The following PTPRD variants were observed in gnomAD, a reference collection of about 807,000 sequenced individuals.
PTPRD encodes the protein receptor-type tyrosine-protein phosphatase delta.
A neutral mutation model predicts 214.5 loss-of-function variants in PTPRD; 34 were observed. That is an observed-to-expected ratio of 0.16 (90% CI 0.12 to 0.21). The LOEUF is 0.21. Ranked by LOEUF, PTPRD falls within the 10% of genes least tolerant of loss-of-function variation. The pLI is 1.00. For missense variants in PTPRD, 2,545 were observed against 2,398.7 expected (o/e 1.06, Z -1.27); for synonymous variants, 1,128 against 845.7 (o/e 1.33, Z -5.79).
intron 2 of PTPRD, among the ~76,000 whole-genome samples, chr9:10,484,394 C>A (rs374468878): frequency 6.6e-6 from 1 of 152,058 alleles, no homozygotes; most frequent in African/African-American, 2.4e-5. Flanking sequence ...TACCACTATA[C>A]AATTCATCTA....
intron 8 of PTPRD, among the ~76,000 whole-genome samples, chr9:9,426,040 G>T (rs539998280): frequency 6.6e-6 from 1 of 152,154 alleles, no homozygotes; most frequent in Admixed American, 6.5e-5. Context: ...CGTCTCAATG[G>T]GGCTTGTCCG....
intron 3 of PTPRD, among the ~76,000 whole-genome samples, chr9:10,152,922 A>T (rs932883522): frequency 6.6e-6 from 1 of 152,206 alleles, no homozygotes; most frequent in Non-Finnish European, 1.5e-5. Context: ...CAGTCAGAGA[A>T]AGACAAATAC....
At chr9:9,179,555 A>C (rs1359100757) in intron 10 of PTPRD, among the ~76,000 whole-genome samples, 1 of 152,090 alleles carries the variant, frequency 6.6e-6, no homozygotes, top group East Asian at 1.9e-4. Flanking sequence ...ATACCCTCTA[A>C]CATTCTCAAT....
intron 11 of PTPRD, among the ~76,000 whole-genome samples, chr9:8,988,681 T>A (rs1230377438): frequency 6.6e-6 from 1 of 152,076 alleles, no homozygotes; most frequent in African/African-American, 2.4e-5. Flanking sequence ...TTACGATTTT[T>A]TTAGGCTCTC....
At chr9:9,009,993 G>A (rs1255494831) in intron 11 of PTPRD, among the ~76,000 whole-genome samples, 1 of 152,008 alleles carries the variant, frequency 6.6e-6, no homozygotes, top group African/African-American at 2.4e-5. Context: ...AAAGGGACTT[G>A]GAGTTACAGA....
At chr9:10,487,841 T>G (rs576452462) in intron 2 of PTPRD, among the ~76,000 whole-genome samples, 1 of 152,094 alleles carries the variant, frequency 6.6e-6, no homozygotes, top group East Asian at 1.9e-4. Flanking sequence ...GAACTTTTTT[T>G]TTTTTTAAAA....
intron 5 of PTPRD, among the ~76,000 whole-genome samples, chr9:9,814,116 G>C (rs1768867): frequency 0.57 from 86,083 of 151,938 alleles, 27,556 homozygotes; most frequent in East Asian, 0.88. Flanking sequence ...ATAAAACTCT[G>C]AAGAATTTAG....
At chr9:10,014,218 G>T (rs536827995) in intron 4 of PTPRD, among the ~76,000 whole-genome samples, 1 of 152,018 alleles carries the variant, frequency 6.6e-6, no homozygotes, top group South Asian at 2.1e-4. Flanking sequence ...CCTTAAAGCA[G>T]GAAAATAAAT....
chr9:10,042,562 G>T (rs2097315600), intron 3 of PTPRD, among the ~76,000 whole-genome samples: 1 of 151,870 alleles, frequency 6.6e-6, no homozygotes, highest in Admixed American at 6.6e-5. Flanking sequence ...CTCAGGAAAG[G>T]TAACAAGCAG....
chr9:9,817,394 G>A (rs1255445783), intron 5 of PTPRD, among the ~76,000 whole-genome samples: 2 of 152,048 alleles, frequency 1.3e-5, no homozygotes, highest in Non-Finnish European at 2.9e-5. Context: ...CTTTCAACAC[G>A]AAAAGTGGAA....
intron 9 of PTPRD, among the ~76,000 whole-genome samples, chr9:9,310,186 G>T (rs1958493817): frequency 6.6e-6 from 1 of 152,186 alleles, no homozygotes; most frequent in African/African-American, 2.4e-5. Flanking sequence ...TGATGTTTGT[G>T]AAGTGTGGCT....
At chr9:10,394,123 C>T (rs1341769044) in intron 2 of PTPRD, among the ~76,000 whole-genome samples, 6 of 137,514 alleles carry the variant, frequency 4.4e-5, no homozygotes, top group Non-Finnish European at 7.6e-5. Flanking sequence ...GATATATATA[C>T]ATATATATCT....
At chr9:9,619,547 TC>T (rs1351262228) in intron 7 of PTPRD, among the ~76,000 whole-genome samples, 1 of 146,482 alleles carries the variant, frequency 6.8e-6, no homozygotes, top group African/African-American at 2.5e-5. Flanking sequence ...ATATAGAAAT[TC>T]CATATATTAT....
intron 9 of PTPRD, among the ~76,000 whole-genome samples, chr9:9,257,516 G>C (rs1037775234): frequency 6.6e-6 from 1 of 151,948 alleles, no homozygotes; most frequent in African/African-American, 2.4e-5. Flanking sequence ...AATTGGCCAA[G>C]GATGGGGGCT....
rs74945428 is a variant in PTPRD, at chr9:8,633,450, C to G, written c.219G>C (p.Glu73Asp). ...KVSNQRFEVI[E>D]FDDGSGSVLR... is the part of the protein sequence containing the mutation. ...GAACTGATCCAGACCCATCGTCAAA[C>G]TCTATTACCTATTAGAGGAAACAAT... Residue 73 changes from glutamate to aspartate, a missense_variant, in exon 14 of 46, where the codon GAG (glutamate) becomes GAC (aspartate). Transcript: ENST00000381196. 8.7e-6 allele frequency: 14 copies of G among 1,611,616 alleles called. No individual in the cohort carries two copies. In the South Asian group the frequency reaches 8.8e-5, roughly 10 times the overall value.
intron 14 of PTPRD, among the ~76,000 whole-genome samples, chr9:8,547,027 C>G (rs972823275): frequency 3.3e-5 from 5 of 152,200 alleles, no homozygotes; most frequent in Non-Finnish European, 7.3e-5. Context: ...GCTCCACTGT[C>G]ATACCATTTT....
At chr9:9,410,792 T>C (rs920311951) in intron 8 of PTPRD, among the ~76,000 whole-genome samples, 15 of 152,196 alleles carry the variant, frequency 9.9e-5, no homozygotes. Context: ...AAAACTATTA[T>C]TGCCACATGT....
intron 12 of PTPRD, among the ~76,000 whole-genome samples, chr9:8,639,474 G>A (rs953551044): frequency 6.6e-6 from 1 of 152,154 alleles, no homozygotes; most frequent in Non-Finnish European, 1.5e-5. Flanking sequence ...TAAGAGCCCA[G>A]CTTCCCATTT....
At chr9:9,107,800 CCT>C (rs1314441002) in intron 10 of PTPRD, among the ~76,000 whole-genome samples, 2 of 152,170 alleles carry the variant, frequency 1.3e-5, no homozygotes, top group Admixed American at 6.5e-5. Flanking sequence ...TGTTCATACC[CCT>C]GTCACCTTCA....
Sources: allele counts gnomAD v4.1 joint callset (sites outside exome capture counted in the v4.1 genomes callset), GRCh38; gene constraint gnomAD v4.1.1; transcripts MANE v1.5; gene names NCBI Gene and HGNC (gene_info 2026-07-23, HGNC 2026-07-21).